The following CLXN variants were observed in gnomAD, a reference collection of about 807,000 sequenced individuals.
CLXN encodes calaxin, also known as EF-hand calcium binding domain 1.
the CLXN span, among the ~76,000 whole-genome samples, chr8:48,718,113 T>C: frequency 1.3e-5 from 2 of 152,070 alleles, no homozygotes; most frequent in African/African-American, 4.8e-5. Context: ...TAAAGGCACA[T>C]ATAGGAGGAA....
At chr8:48,731,124 G>GT in the CLXN span, among the ~76,000 whole-genome samples, 1 of 152,014 alleles carries the variant, frequency 6.6e-6, no homozygotes, top group African/African-American at 2.4e-5. Context: ...CTGATATAAG[G>GT]TAAGAGAAAG....
chr8:48,729,225 A>G, the CLXN span: 854,223 of 1,250,498 alleles, frequency 0.68, 301,144 homozygotes, highest in Non-Finnish European at 0.73. Context: ...TCAAGTGTTA[A>G]TTTAAAAAAA....
At chr8:48,713,275 T>C in the CLXN span, among the ~76,000 whole-genome samples, 3 of 152,162 alleles carry the variant, frequency 2.0e-5, no homozygotes, top group Non-Finnish European at 2.9e-5. Context: ...TATATATGGG[T>C]TAAATTTCTA....
the CLXN span, chr8:48,724,219 T>C: frequency 2.0e-5 from 3 of 152,180 alleles, no homozygotes; most frequent in Admixed American, 2.0e-4. Flanking sequence ...TATATTTCAA[T>C]ATAATATGAT....
chr8:48,717,803 GT>G, the CLXN span, among the ~76,000 whole-genome samples: 1 of 152,138 alleles, frequency 6.6e-6, no homozygotes, highest in Non-Finnish European at 1.5e-5. Context: ...AAGGTAAATT[GT>G]TATCAACTTA....
At chr8:48,729,144 A>T in the CLXN span, 2 of 1,606,198 alleles carry the variant, frequency 1.2e-6, no homozygotes, top group Non-Finnish European at 1.7e-6. Flanking sequence ...CATGGTCATG[A>T]TCCTAGGGGA....
the CLXN span, among the ~76,000 whole-genome samples, chr8:48,719,479 A>C: frequency 1.3e-5 from 2 of 152,310 alleles, no homozygotes; most frequent in Admixed American, 1.3e-4. Flanking sequence ...GAAAACTACA[A>C]GCCAATATCC....
chr8:48,717,252 G>A, the CLXN span, among the ~76,000 whole-genome samples: 2 of 152,178 alleles, frequency 1.3e-5, no homozygotes, highest in African/African-American at 4.8e-5. Flanking sequence ...ATTGTCAGAA[G>A]TCAAGAATAA....
At chr8:48,731,808 A>C in the CLXN span, among the ~76,000 whole-genome samples, 1 of 152,216 alleles carries the variant, frequency 6.6e-6, no homozygotes, top group Non-Finnish European at 1.5e-5. Context: ...ACGTCTCAAA[A>C]TAAGAATGGT....
chr8:48,714,642 T>C, the CLXN span, among the ~76,000 whole-genome samples: 1 of 152,226 alleles, frequency 6.6e-6, no homozygotes, highest in Non-Finnish European at 1.5e-5. Flanking sequence ...CTCATGACGG[T>C]CCGTGATACT....
At chr8:48,712,819 T>G in the CLXN span, among the ~76,000 whole-genome samples, 3 of 151,972 alleles carry the variant, frequency 2.0e-5, no homozygotes, top group Admixed American at 1.3e-4. Flanking sequence ...ACCAACATGG[T>G]GAAACCCTGC....
the CLXN span, chr8:48,724,853 C>T: frequency 2.0e-6 from 3 of 1,473,598 alleles, no homozygotes; most frequent in African/African-American, 1.4e-5. Context: ...AGGTAGAACA[C>T]CACAAAATAT....
At chr8:48,730,614 C>G in the CLXN span, 2 of 1,610,812 alleles carry the variant, frequency 1.2e-6, no homozygotes, top group Non-Finnish European at 1.7e-6. Flanking sequence ...ATTTACACAG[C>G]CATCATTATC....
chr8:48,720,666 C>T, the CLXN span, among the ~76,000 whole-genome samples: 1 of 152,158 alleles, frequency 6.6e-6, no homozygotes, highest in African/African-American at 2.4e-5. Flanking sequence ...TGTCCTATTC[C>T]CTCAGAAGCA....
the CLXN span, among the ~76,000 whole-genome samples, chr8:48,718,228 TAAGAC>T: frequency 6.6e-6 from 1 of 152,134 alleles, no homozygotes; most frequent in African/African-American, 2.4e-5. Context: ...AAAATTATCT[TAAGAC>T]AAAGGACTGA....
chr8:48,734,750 T>C, the CLXN span: 1 of 236,526 alleles, frequency 4.2e-6, no homozygotes, highest in South Asian at 1.3e-4. Flanking sequence ...GTGCTACTTT[T>C]CTTGAGACCA....
chr8:48,722,166 A>T, the CLXN span, among the ~76,000 whole-genome samples: 1 of 152,232 alleles, frequency 6.6e-6, no homozygotes, highest in Non-Finnish European at 1.5e-5. Flanking sequence ...CATTTTTCAA[A>T]GATAATAGCA....
the CLXN span, among the ~76,000 whole-genome samples, chr8:48,720,089 T>G: frequency 6.6e-6 from 1 of 152,236 alleles, no homozygotes. Context: ...CTCTTAATCC[T>G]GTTATCTTTG....
At chr8:48,717,501 G>A in the CLXN span, among the ~76,000 whole-genome samples, 40 of 152,306 alleles carry the variant, frequency 2.6e-4, no homozygotes, top group East Asian at 7.3e-3. Context: ...GAGGAAGTTT[G>A]TTATAACTAA....
Sources: allele counts gnomAD v4.1 joint callset (sites outside exome capture counted in the v4.1 genomes callset), GRCh38; gene constraint gnomAD v4.1.1; transcripts MANE v1.5; gene names NCBI Gene and HGNC (gene_info 2026-07-23, HGNC 2026-07-21).